The following B3GAT2 variants were observed in gnomAD, a reference collection of about 807,000 sequenced individuals.
B3GAT2 encodes the protein beta-1,3-glucuronyltransferase 2.
A neutral mutation model predicts 27.8 loss-of-function variants in B3GAT2; 26 were observed. The observed-to-expected ratio is 0.93, with a 90% confidence interval of 0.68 to 1.30. B3GAT2 has a LOEUF of 1.30. Ranked by LOEUF, B3GAT2 falls within the 50% of genes most tolerant of loss-of-function variation. The pLI is 0.00. For synonymous variants in B3GAT2, 218 were observed against 195.1 expected, an observed-to-expected ratio of 1.12 and a Z score of -0.98; for missense variants, 458 against 459.0, an observed-to-expected ratio of 1.00 and a Z score of 0.02.
At position 70,872,378 on chromosome 6, in the gene B3GAT2, C is replaced by T. The variant is rs550803042; in HGVS notation, c.737-10400G>A. ...TATTTTGGAGCTCTGCTGTAAGTCA[C>T]GTATATGTTTATAGTTATATCTTCT... On this transcript the variant is annotated intron_variant, in intron 2 of 3. Transcript: ENST00000230053. 8.6e-5 allele frequency among the ~76,000 whole-genome samples: 13 copies of T among 151,842 alleles called. No homozygotes were observed. The East Asian group carries it at 1.9e-3, about 23-fold the overall frequency.
chr6:70,937,764 G>C (rs1421909656), intron 1 of B3GAT2, among the ~76,000 whole-genome samples: 1 of 152,178 alleles, frequency 6.6e-6, no homozygotes, highest in South Asian at 2.1e-4. Flanking sequence ...AAAATAATAA[G>C]AGCTATCTAT....
intron 2 of B3GAT2, among the ~76,000 whole-genome samples, chr6:70,879,979 C>T (rs562710724): frequency 2.6e-5 from 4 of 151,186 alleles, no homozygotes; most frequent in East Asian, 1.9e-4. Flanking sequence ...ATGTTTTAAC[C>T]TGGAGCCTAA....
At chr6:70,881,574 C>A (rs2460698) in intron 2 of B3GAT2, among the ~76,000 whole-genome samples, 1 of 151,940 alleles carries the variant, frequency 6.6e-6, no homozygotes, top group East Asian at 1.9e-4. Flanking sequence ...ACTTCAGAGG[C>A]GGCTTCACCA....
At chr6:70,902,938 TAGAA>T (rs982141609) in intron 1 of B3GAT2, among the ~76,000 whole-genome samples, 2 of 151,880 alleles carry the variant, frequency 1.3e-5, no homozygotes, top group African/African-American at 4.8e-5. Context: ...AATTTTTACT[TAGAA>T]GGAATAAGTT....
intron 1 of B3GAT2, among the ~76,000 whole-genome samples, chr6:70,945,507 A>C (rs1357212780): frequency 6.6e-6 from 1 of 151,918 alleles, no homozygotes; most frequent in Non-Finnish European, 1.5e-5. Flanking sequence ...ATGAAACAAG[A>C]AGGGAAGTTT....
intron 1 of B3GAT2, among the ~76,000 whole-genome samples, chr6:70,903,323 C>T (rs913732311): frequency 7.2e-5 from 11 of 151,940 alleles, no homozygotes; most frequent in East Asian, 1.9e-4. Flanking sequence ...TCCTTAAACA[C>T]GACATAAATA....
At chr6:70,918,262 C>T (rs1413543017) in intron 1 of B3GAT2, among the ~76,000 whole-genome samples, 1 of 152,106 alleles carries the variant, frequency 6.6e-6, no homozygotes, top group Non-Finnish European at 1.5e-5. Context: ...GGTAGATCTT[C>T]TTCCATCACT....
chr6:70,873,185 T>C (rs529810691), intron 2 of B3GAT2, among the ~76,000 whole-genome samples: 22 of 152,010 alleles, frequency 1.4e-4, no homozygotes, highest in African/African-American at 4.3e-4. Flanking sequence ...AGTTCCCGTC[T>C]AGCATCCTTT....
chr6:70,926,364 T>C (rs940839346), intron 1 of B3GAT2, among the ~76,000 whole-genome samples: 2 of 152,154 alleles, frequency 1.3e-5, no homozygotes, highest in African/African-American at 2.4e-5. Context: ...AGATTGGTAA[T>C]AACAAACTTC....
At chr6:70,862,114 T>C (rs1771763633) in intron 2 of B3GAT2, 136 bp from the exon 3 acceptor site, 2 of 740,008 alleles carry the variant, frequency 2.7e-6, no homozygotes, top group African/African-American at 1.8e-5. Flanking sequence ...CAAAGTTGAA[T>C]AGGAACATTA....
intron 1 of B3GAT2, among the ~76,000 whole-genome samples, chr6:70,940,973 T>G (rs1765383319): frequency 6.6e-6 from 1 of 152,138 alleles, no homozygotes; most frequent in Non-Finnish European, 1.5e-5. Context: ...GAGAACACCC[T>G]TCACCTCCTC....
intron 1 of B3GAT2, among the ~76,000 whole-genome samples, chr6:70,928,449 T>C (rs1482171759): frequency 6.6e-6 from 1 of 151,358 alleles, no homozygotes; most frequent in Admixed American, 6.6e-5. Flanking sequence ...AGCAGACTAA[T>C]AAGGAAGAAA....
intron 2 of B3GAT2, among the ~76,000 whole-genome samples, chr6:70,877,652 C>A (rs1375455221): frequency 1.3e-5 from 2 of 152,162 alleles, no homozygotes. Flanking sequence ...TATGTTCAGG[C>A]CAAGACTGAC....
intron 1 of B3GAT2, among the ~76,000 whole-genome samples, chr6:70,927,193 G>C (rs979457499): frequency 2.0e-5 from 3 of 152,112 alleles, no homozygotes; most frequent in African/African-American, 7.2e-5. Flanking sequence ...ACATGGAAAG[G>C]AACAACCAGT....
At chr6:70,865,517 G>A (rs1771835502) in intron 2 of B3GAT2, among the ~76,000 whole-genome samples, 1 of 152,156 alleles carries the variant, frequency 6.6e-6, no homozygotes. Context: ...AAGTATACAG[G>A]AGGATCTGCC....
chr6:70,864,717 G>A (rs1771822501), intron 2 of B3GAT2, among the ~76,000 whole-genome samples: 1 of 152,080 alleles, frequency 6.6e-6, no homozygotes, highest in East Asian at 1.9e-4. Context: ...TGAAGCTGGG[G>A]GCAGAGTTAA....
intron 1 of B3GAT2, among the ~76,000 whole-genome samples, chr6:70,922,022 G>A (rs1056490222): frequency 1.3e-5 from 2 of 152,082 alleles, no homozygotes; most frequent in Non-Finnish European, 2.9e-5. Flanking sequence ...GGGGGTGCTG[G>A]CCACACACTT....
At chr6:70,871,769 T>C (rs565000800) in intron 2 of B3GAT2, among the ~76,000 whole-genome samples, 4 of 151,996 alleles carry the variant, frequency 2.6e-5, no homozygotes, top group African/African-American at 9.6e-5. Context: ...TCTTTTTCTG[T>C]TTTTTTATGG....
chr6:70,872,352 G>A (rs937407732), intron 2 of B3GAT2, among the ~76,000 whole-genome samples: 1 of 151,804 alleles, frequency 6.6e-6, no homozygotes, highest in African/African-American at 2.4e-5. Flanking sequence ...TTTACTTTGT[G>A]TATTTTGGAG....
Sources: gnomAD v4.1 joint callset for allele counts (sites outside exome capture counted in the v4.1 genomes callset) on GRCh38, gnomAD v4.1.1 for gene constraint, MANE v1.5 for transcripts, NCBI Gene and HGNC (gene_info 2026-07-23, HGNC 2026-07-21) for gene names.